PSMF1: variants seen among roughly 807,000 people sequenced by gnomAD.
PSMF1 encodes proteasome inhibitor subunit 1, also known as proteasome inhibitor PI31 subunit.
Under a neutral mutation model 29.3 loss-of-function variants are expected in PSMF1, and 30 were observed. The ratio of observed to expected loss-of-function variants is 1.02; its 90% CI spans 0.77 to 1.39. PSMF1 has a LOEUF of 1.39. Among genes scored for constraint, PSMF1 ranks in the 40% most tolerant of loss-of-function variants. The probability of loss-of-function intolerance (pLI) is 0.00; values close to 1 mark genes in which losing one functional copy is unlikely to be tolerated. For missense variants in PSMF1, 344 were observed against 357.5 expected (o/e 0.96, Z 0.31); for synonymous variants, 134 against 139.7 (o/e 0.96, Z 0.29).
intron 2 of PSMF1, 200 bp downstream of exon 2, chr20:1,125,850 TAAG>T (rs1437365711): frequency 1.5e-5 from 11 of 738,784 alleles, no homozygotes; most frequent in South Asian, 7.3e-5. Context: ...CACCTGGAAT[TAAG>T]AAGGAGGGGC....
intron 4 of PSMF1, chr20:1,161,462 G>A (rs539456060): frequency 2.5e-5 from 12 of 474,558 alleles, no homozygotes; most frequent in South Asian, 1.5e-4. Context: ...ATGCCAACAC[G>A]GTGCTGGCCA....
At chr20:1,140,859 C>T (rs896906761) in intron 4 of PSMF1, among the ~76,000 whole-genome samples, 1 of 152,128 alleles carries the variant, frequency 6.6e-6, no homozygotes, top group African/African-American at 2.4e-5. Flanking sequence ...AGGTGTGCAA[C>T]AACATTGGTC....
At position 1,166,084 on chromosome 20, in the gene PSMF1, GT is replaced by G; in HGVS notation, c.*1009del. On this transcript the variant is annotated 3_prime_UTR_variant, in exon 7 of 7. Transcript: ENST00000335877. ...TGTGTGGTTCTTGCCTAACTCTGTG[GT>G]TTTTGGACCCCATGGGGCCCAGACA... The G allele has an allele frequency of 3.9e-6, 6 of 1,521,708 alleles. No homozygotes were observed. Among genetic ancestry groups the G allele is most frequent in the African/African-American group, 1.4e-5 (1 of 72,520 alleles). 94.3% of individuals were successfully genotyped at this position (1,521,708 alleles called of 1,614,324 possible).
chr20:1,165,353 A>C lies in PSMF1; in HGVS notation c.*273A>C. 1 of 1,357,706 alleles carries C rather than the reference A, an allele frequency of 7.4e-7. No individual in the cohort carries two copies. 84.1% of individuals were successfully genotyped at this position (1,357,706 alleles called of 1,614,324 possible). ...ACCACCAGCTCCTCTCCACTTCCCA[A>C]GGGAGACTCCGGCAACCTTCAGCAA... On this transcript the variant is annotated 3_prime_UTR_variant, in exon 7 of 7. Transcript: ENST00000335877.
chr20:1,128,020 A>G (rs535536764), intron 3 of PSMF1, among the ~76,000 whole-genome samples: 2 of 152,304 alleles, frequency 1.3e-5, no homozygotes, highest in Middle Eastern at 3.4e-3. Flanking sequence ...CTACATTGAC[A>G]CATCATTATT....
intron 4 of PSMF1, among the ~76,000 whole-genome samples, chr20:1,156,199 A>C (rs1384277533): frequency 6.6e-6 from 1 of 152,250 alleles, no homozygotes; most frequent in Non-Finnish European, 1.5e-5. Flanking sequence ...GAAGATAGGT[A>C]ATACAAATTA....
At chr20:1,158,700 C>T (rs750610502) in intron 4 of PSMF1, among the ~76,000 whole-genome samples, 15 of 152,202 alleles carry the variant, frequency 9.9e-5, no homozygotes, top group Non-Finnish European at 1.9e-4. Context: ...GCAGTTTTTC[C>T]TGCAGGGTTA....
upstream of PSMF1, among the ~76,000 whole-genome samples, chr20:1,117,322 A>G (rs2086020781): frequency 6.6e-6 from 1 of 150,454 alleles, no homozygotes; most frequent in Non-Finnish European, 1.5e-5. Flanking sequence ...AACGGATGTG[A>G]TCTGACTTTT....
At position 1,169,056 on chromosome 20, in the gene PSMF1, GA is replaced by G. The variant is rs1208585823; in HGVS notation, c.*3977del. On this transcript the variant is annotated 3_prime_UTR_variant, in exon 7 of 7. Transcript: ENST00000335877. ...GTGGCTCTGGAGTTCCTAATCCCCA[GA>G]TTGTAGCAATGATGATGTGATCCTG... 6.6e-6 allele frequency among the ~76,000 whole-genome samples: 1 copy of G among 152,206 alleles called. No homozygotes were observed. The highest frequency in any genetic ancestry group is 1.5e-5 in the Non-Finnish European group (1 of 68,030).
Position 1,164,566 on chromosome 20 carries a change from A to G in PSMF1, c.764+90A>G. 1.3e-6 allele frequency: 2 copies of G among 1,521,662 alleles called. No individual in the cohort carries two copies. The highest frequency in any genetic ancestry group is 1.8e-6 in the Non-Finnish European group (2 of 1,113,280). 94.3% of individuals were successfully genotyped at this position (1,521,662 alleles called of 1,614,324 possible). A position where few individuals can be genotyped will look rare whatever the true frequency, so the allele number is the denominator to read the frequency against. ...AATGAAGGTTTCTAGCCCCAGGCAC[A>G]GAGCTGCCGCTGCCTTCACCTGTTG... On this transcript the variant is annotated intron_variant, in intron 6 of 6. Transcript: ENST00000335877. This position sits in a 1 kb window ranked among gnomAD's most constrained non-coding sequence, Gnocchi z 4.1.
intron 4 of PSMF1, among the ~76,000 whole-genome samples, chr20:1,140,554 A>C (rs1354142223): frequency 2.0e-5 from 3 of 152,216 alleles, no homozygotes; most frequent in South Asian, 2.1e-4. Context: ...TTTCTTAGAC[A>C]CAATACCTGG....
At chr20:1,131,259 C>T (rs886236976) in intron 3 of PSMF1, among the ~76,000 whole-genome samples, 5 of 152,210 alleles carry the variant, frequency 3.3e-5, no homozygotes, top group African/African-American at 1.2e-4. Flanking sequence ...TAGAGCATTC[C>T]GTCTGTTCAG....
chr20:1,146,651 C>G (rs2086453772), intron 4 of PSMF1, among the ~76,000 whole-genome samples: 1 of 152,068 alleles, frequency 6.6e-6, no homozygotes, highest in South Asian at 2.1e-4. Context: ...CACCTCTCCC[C>G]CCACGTCAAG....
upstream of PSMF1, among the ~76,000 whole-genome samples, chr20:1,113,960 G>A (rs1473809653): frequency 2.0e-5 from 3 of 152,124 alleles, no homozygotes; most frequent in East Asian, 3.9e-4. Context: ...CAAAGTGCTG[G>A]GATTACAGGC....
Position 1,164,580 on chromosome 20 carries a change from C to T in PSMF1, c.764+104C>T. 1 of 1,464,392 alleles carries T rather than the reference C, an allele frequency of 6.8e-7. No homozygotes were observed. The highest frequency in any genetic ancestry group is 9.3e-7 in the Non-Finnish European group (1 of 1,070,760). The allele number at this position is 1,464,392 out of a possible 1,614,324, so 90.7% of individuals were successfully genotyped here. On this transcript the variant is annotated intron_variant, in intron 6 of 6. Coordinates refer to ENST00000335877, the MANE Select transcript of PSMF1 (RefSeq NM_006814.5). The surrounding 1 kb of genome is among the most constrained non-coding windows in gnomAD (Gnocchi z 4.1). ...GCCCCAGGCACAGAGCTGCCGCTGC[C>T]TTCACCTGTTGCTGCCAGGAGAGTG... is the stretch of plus-strand genomic sequence containing the variant.
chr20:1,156,460 C>T (rs577467743), intron 4 of PSMF1, among the ~76,000 whole-genome samples: 2 of 152,136 alleles, frequency 1.3e-5, no homozygotes, highest in Non-Finnish European at 2.9e-5. Context: ...CATGCCCAAA[C>T]CTATAATCAA....
chr20:1,118,873 G>T lies in PSMF1; in HGVS notation c.100G>T (p.Gly34Cys), dbSNP rs951336480. Reference sequence around the variant, plus strand: ...CTTGCATTGGGAAGTGGTGACACACGGTTACTTCGGCTTGGGTGTCGGTGA... The same window carrying T: ...CTTGCATTGGGAAGTGGTGACACACTGTTACTTCGGCTTGGGTGTCGGTGA... Reference protein sequence around the residue: ...CFLHWEVVTHGYFGLGVGDQP... With the variant: ...CFLHWEVVTHCYFGLGVGDQP... The change falls in exon 1 of 7, where the codon GGT becomes TGT. Residue 34 changes from glycine to cysteine, a missense_variant. By Grantham distance (159) the Gly-to-Cys change is radical. Coordinates refer to ENST00000335877, the MANE Select transcript of PSMF1 (RefSeq NM_006814.5). 2 of 1,614,008 alleles carry T rather than the reference G, an allele frequency of 1.2e-6. No individual in the cohort carries two copies. Among genetic ancestry groups the T allele is most frequent in the African/African-American group, 2.7e-5 (2 of 74,924 alleles).
At chr20:1,140,414 G>A (rs1485299818) in intron 4 of PSMF1, among the ~76,000 whole-genome samples, 2 of 152,136 alleles carry the variant, frequency 1.3e-5, no homozygotes, top group African/African-American at 4.8e-5. Flanking sequence ...GAATGAAGTT[G>A]GGTCCCTTCC....
chr20:1,130,400 G>A (rs1484014670), intron 3 of PSMF1, among the ~76,000 whole-genome samples: 1 of 152,088 alleles, frequency 6.6e-6, no homozygotes, highest in African/African-American at 2.4e-5. Context: ...CCTTGATGAG[G>A]CCTTAAAGCA....
Sources: gnomAD v4.1 joint callset for allele counts (sites outside exome capture counted in the v4.1 genomes callset) on GRCh38, gnomAD v4.1.1 for gene constraint, Gnocchi (gnomAD v3.1) non-coding constraint, MANE v1.5 for transcripts, NCBI Gene and HGNC (gene_info 2026-07-23, HGNC 2026-07-21) for gene names.